The following SAMMSON variants were observed in gnomAD, a reference collection of about 807,000 sequenced individuals.
SAMMSON encodes the protein survival associated mitochondrial melanoma specific oncogenic non-coding RNA, also known as long intergenic non-protein coding RNA 1212.
At chr3:70,256,478 TCTCAGGAC>T (rs1701817397) in intron 6 of SAMMSON, among the ~76,000 whole-genome samples, 1 of 152,188 alleles carries the variant, frequency 6.6e-6, no homozygotes, top group Non-Finnish European at 1.5e-5. Context: ...TCTTTGAGGG[TCTCAGGAC>T]CTCATTTAGT....
At chr3:70,335,121 C>G (rs1406862431) in intron 7 of SAMMSON, among the ~76,000 whole-genome samples, 1 of 151,458 alleles carries the variant, frequency 6.6e-6, no homozygotes, top group Non-Finnish European at 1.5e-5. Context: ...AAAAGACATT[C>G]TTTAGATAAG....
At chr3:70,033,500 G>A (rs748457383) in intron 3 of SAMMSON, among the ~76,000 whole-genome samples, 36 of 152,188 alleles carry the variant, frequency 2.4e-4, no homozygotes, top group Non-Finnish European at 4.1e-4. Context: ...TGGGACCTGA[G>A]AAGGGAGAGA....
intron 6 of SAMMSON, among the ~76,000 whole-genome samples, chr3:70,255,747 G>A (rs183532028): frequency 1.3e-5 from 2 of 152,172 alleles, no homozygotes; most frequent in Admixed American, 1.3e-4. Context: ...ATGATCCCCC[G>A]TACCCAGCCA....
At chr3:70,167,244 A>C (rs899870771) in intron 4 of SAMMSON, among the ~76,000 whole-genome samples, 2 of 152,018 alleles carry the variant, frequency 1.3e-5, no homozygotes, top group Non-Finnish European at 2.9e-5. Flanking sequence ...CTTGCATATT[A>C]AACTATAGTT....
intron 7 of SAMMSON, among the ~76,000 whole-genome samples, chr3:70,319,015 A>G (rs112991286): frequency 1.2e-4 from 18 of 152,146 alleles, no homozygotes; most frequent in African/African-American, 3.9e-4. Context: ...ATTAACTGTG[A>G]TACCTATGTT....
intron 4 of SAMMSON, among the ~76,000 whole-genome samples, chr3:70,081,245 C>T (rs2067266765): frequency 6.6e-6 from 1 of 152,204 alleles, no homozygotes; most frequent in Non-Finnish European, 1.5e-5. Context: ...TTCCAAGTAG[C>T]TGGGACTACA....
intron 4 of SAMMSON, among the ~76,000 whole-genome samples, chr3:70,170,465 T>C (rs1700934013): frequency 6.6e-6 from 1 of 151,482 alleles, no homozygotes; most frequent in Non-Finnish European, 1.5e-5. Flanking sequence ...ATACAGAAAA[T>C]CACATAATAT....
chr3:70,335,772 C>A (rs2106725099), intron 7 of SAMMSON, among the ~76,000 whole-genome samples: 1 of 152,096 alleles, frequency 6.6e-6, no homozygotes, highest in African/African-American at 2.4e-5. Context: ...TGACAAAGGG[C>A]AAAGCTGCTT....
At chr3:70,067,499 G>A (rs973979978) in intron 3 of SAMMSON, among the ~76,000 whole-genome samples, 1 of 151,772 alleles carries the variant, frequency 6.6e-6, no homozygotes, top group Admixed American at 6.6e-5. Context: ...CCTCCACCTC[G>A]CCCCCACTTG....
intron 4 of SAMMSON, among the ~76,000 whole-genome samples, chr3:70,160,200 A>AT (rs2067609290): frequency 1.1e-5 from 1 of 93,372 alleles, no homozygotes; most frequent in Non-Finnish European, 2.6e-5. Flanking sequence ...TTTTCATGTT[A>AT]TATCAAAAAA....
chr3:70,127,982 C>T (rs1220735064), intron 4 of SAMMSON, among the ~76,000 whole-genome samples: 4 of 152,112 alleles, frequency 2.6e-5, no homozygotes, highest in Non-Finnish European at 5.9e-5. Flanking sequence ...CTCTGGAGTA[C>T]AAGGATTAGT....
At chr3:70,247,101 G>A (rs1396362722) in intron 4 of SAMMSON, among the ~76,000 whole-genome samples, 2 of 151,808 alleles carry the variant, frequency 1.3e-5, no homozygotes, top group East Asian at 1.9e-4. Flanking sequence ...CCAAGCGCAT[G>A]GTAGAAGATC....
At chr3:70,211,639 C>T (rs1366021311) in intron 4 of SAMMSON, among the ~76,000 whole-genome samples, 2 of 117,224 alleles carry the variant, frequency 1.7e-5, no homozygotes, top group Non-Finnish European at 3.6e-5. Flanking sequence ...CCCTTCCCTT[C>T]CCTTTGCCTT....
intron 4 of SAMMSON, among the ~76,000 whole-genome samples, chr3:70,116,351 T>A (rs1409449877): frequency 1.3e-5 from 2 of 151,452 alleles, no homozygotes; most frequent in Admixed American, 6.6e-5. Context: ...TTTTGTCATA[T>A]TTTATTTTGA....
At chr3:70,112,087 A>T (rs909912357) in intron 4 of SAMMSON, among the ~76,000 whole-genome samples, 3 of 152,194 alleles carry the variant, frequency 2.0e-5, no homozygotes, top group Non-Finnish European at 2.9e-5. Flanking sequence ...TTGAAGAATT[A>T]CATTGACTCC....
intron 9 of SAMMSON, among the ~76,000 whole-genome samples, chr3:70,364,834 A>G (rs978136768): frequency 2.6e-5 from 4 of 151,192 alleles, no homozygotes; most frequent in African/African-American, 7.3e-5. Flanking sequence ...TTTTCTCTCT[A>G]TCTTCCATAT....
At chr3:70,017,246 ATCT>A (rs2107579374) in intron 3 of SAMMSON, among the ~76,000 whole-genome samples, 1 of 152,048 alleles carries the variant, frequency 6.6e-6, no homozygotes, top group South Asian at 2.1e-4. Flanking sequence ...ATTTGTTTGT[ATCT>A]TCTTTTCTTT....
At chr3:70,271,749 G>A (rs1230376447) in intron 6 of SAMMSON, 1 of 152,132 alleles carries the variant, frequency 6.6e-6, no homozygotes, top group African/African-American at 2.4e-5. Flanking sequence ...AATTGCTATG[G>A]CTCACACTTA....
chr3:70,071,124 A>G lies in SAMMSON; in HGVS notation n.418-352A>G, dbSNP rs187639197. Among the ~76,000 whole-genome samples, 6 of 152,172 alleles carry G rather than the reference A, an allele frequency of 3.9e-5. No homozygotes were observed. The East Asian group carries it at 1.2e-3, about 29-fold the overall frequency. ...TATTTAGAACAGGGAAAAAAAAGGG[A>G]TAGCTCATAGTGAAGGGGTTGAATT... is the stretch of plus-strand genomic sequence containing the variant. On this transcript the variant is annotated intron_variant and non_coding_transcript_variant, in intron 3 of 9. Coordinates refer to ENST00000642114, the Ensembl canonical transcript of SAMMSON.
Sources: gnomAD v4.1 joint callset for allele counts (sites outside exome capture counted in the v4.1 genomes callset) on GRCh38, gnomAD v4.1.1 for gene constraint, MANE v1.5 for transcripts, NCBI Gene and HGNC (gene_info 2026-07-23, HGNC 2026-07-21) for gene names.